ZNF385B: variants seen among roughly 807,000 people sequenced by gnomAD.
ZNF385B encodes zinc finger protein 385B.
ZNF385B carries 23 observed loss-of-function variants against 39.2 expected under a neutral mutation model. The ratio of observed to expected loss-of-function variants is 0.59; its 90% CI spans 0.42 to 0.83. The LOEUF is 0.83. Among genes scored for constraint, ZNF385B ranks in the 40% least tolerant of loss-of-function variants. ZNF385B has a pLI of 0.00. For missense variants in ZNF385B, 552 were observed against 598.9 expected, an observed-to-expected ratio of 0.92 and a Z score of 0.82; for synonymous variants, 205 against 222.6, an observed-to-expected ratio of 0.92 and a Z score of 0.70.
intron 3 of ZNF385B, among the ~76,000 whole-genome samples, chr2:179,617,401 G>A (rs1458819434): frequency 6.6e-6 from 1 of 152,094 alleles, no homozygotes; most frequent in African/African-American, 2.4e-5. Flanking sequence ...CCACCTGATT[G>A]GGTTCTTTTT....
At chr2:179,737,241 CT>C (rs1474349109) in intron 3 of ZNF385B, among the ~76,000 whole-genome samples, 1 of 152,144 alleles carries the variant, frequency 6.6e-6, no homozygotes, top group Non-Finnish European at 1.5e-5. Flanking sequence ...AGTCACTTAC[CT>C]TTTTGATGAT....
intron 1 of ZNF385B, among the ~76,000 whole-genome samples, chr2:179,821,986 G>C (rs1307007631): frequency 2.6e-5 from 4 of 152,126 alleles, no homozygotes; most frequent in Non-Finnish European, 1.5e-5. Context: ...CATAGTGCAA[G>C]GTTTTCTGTA....
Position 179,790,778 on chromosome 2 carries a change from CA to C in ZNF385B, c.-154-20107del, listed in dbSNP as rs537617766. Among the ~76,000 whole-genome samples, 92 of 152,308 alleles carry C rather than the reference CA, an allele frequency of 6.0e-4. 3 individuals are homozygous for C. The South Asian group carries it at 7.9e-3, about 13-fold the overall frequency. ...AGAAACCAGGCATCTGTCTGGGCAT[CA>C]AATTCCTCCTCTGTAAAAGGAGGAG... On this transcript the variant is annotated intron_variant, in intron 1 of 9. Transcript: ENST00000410066.
intron 4 of ZNF385B, among the ~76,000 whole-genome samples, chr2:179,528,072 A>T (rs2059023152): frequency 6.6e-6 from 1 of 152,198 alleles, no homozygotes; most frequent in South Asian, 2.1e-4. Flanking sequence ...AAATATGCAA[A>T]AAAACAAAAC....
intron 3 of ZNF385B, among the ~76,000 whole-genome samples, chr2:179,757,762 A>C (rs1176911256): frequency 1.3e-5 from 2 of 152,198 alleles, no homozygotes; most frequent in Non-Finnish European, 2.9e-5. Flanking sequence ...CCTCCAAGCC[A>C]GGTGCGGGAT....
At chr2:179,611,015 A>G (rs1462708970) in intron 3 of ZNF385B, among the ~76,000 whole-genome samples, 3 of 152,142 alleles carry the variant, frequency 2.0e-5, no homozygotes, top group Admixed American at 1.3e-4. Flanking sequence ...TTCCTTTCCA[A>G]TTTAGACGCC....
intron 3 of ZNF385B, among the ~76,000 whole-genome samples, chr2:179,648,639 G>C (rs961534374): frequency 2.0e-5 from 3 of 152,074 alleles, no homozygotes; most frequent in African/African-American, 7.2e-5. Context: ...CTGACATCAG[G>C]GCTGGGATAA....
At chr2:179,479,731 T>G (rs1324861144) in intron 6 of ZNF385B, among the ~76,000 whole-genome samples, 2 of 152,038 alleles carry the variant, frequency 1.3e-5, no homozygotes, top group African/African-American at 2.4e-5. Flanking sequence ...TCCCAGCTCC[T>G]CGGAGGCTGA....
intron 3 of ZNF385B, among the ~76,000 whole-genome samples, chr2:179,603,039 A>AG (rs1430979201): frequency 1.3e-5 from 2 of 152,218 alleles, no homozygotes; most frequent in Non-Finnish European, 2.9e-5. Flanking sequence ...TGTGATTCTT[A>AG]CTATTTAATT....
At chr2:179,497,432 A>G (rs1265953294) in intron 5 of ZNF385B, among the ~76,000 whole-genome samples, 2 of 152,098 alleles carry the variant, frequency 1.3e-5, no homozygotes, top group Admixed American at 6.6e-5. Context: ...TAAGTTTTTT[A>G]TTAGTTTTCT....
chr2:179,745,842 C>T, intron 3 of ZNF385B: 1 of 1,363,786 alleles, frequency 7.3e-7, no homozygotes, highest in Non-Finnish European at 9.5e-7. Flanking sequence ...TGGCTCCAGC[C>T]CTGATTATCT....
chr2:179,809,421 GC>G (rs1706597312), intron 1 of ZNF385B, among the ~76,000 whole-genome samples: 1 of 152,062 alleles, frequency 6.6e-6, no homozygotes. Context: ...ACATAGTAAT[GC>G]CCCACTTAAC....
At chr2:179,815,775 G>GTA (rs1575543231) in intron 1 of ZNF385B, among the ~76,000 whole-genome samples, 1 of 152,076 alleles carries the variant, frequency 6.6e-6, no homozygotes, top group East Asian at 1.9e-4. Context: ...TACACATTTA[G>GTA]GAATCCTTCA....
chr2:179,714,813 T>A (rs1256065910), intron 3 of ZNF385B, among the ~76,000 whole-genome samples: 1 of 151,448 alleles, frequency 6.6e-6, no homozygotes, highest in East Asian at 1.9e-4. Context: ...TAGCCAGATG[T>A]GGTGGCACTT....
intron 5 of ZNF385B, among the ~76,000 whole-genome samples, chr2:179,485,899 C>T (rs1016374524): frequency 1.3e-5 from 2 of 152,148 alleles, no homozygotes; most frequent in Non-Finnish European, 2.9e-5. Context: ...ACTGACTATA[C>T]ATGGTCCCTA....
intron 1 of ZNF385B, among the ~76,000 whole-genome samples, chr2:179,817,397 T>G (rs1368946688): frequency 1.3e-5 from 2 of 152,228 alleles, no homozygotes; most frequent in Non-Finnish European, 2.9e-5. Context: ...TCTCTCAACT[T>G]TCACTTTCAC....
intron 5 of ZNF385B, among the ~76,000 whole-genome samples, chr2:179,514,398 T>G (rs1318157532): frequency 1.3e-5 from 2 of 152,216 alleles, no homozygotes; most frequent in Non-Finnish European, 2.9e-5. Flanking sequence ...GGTCAGAATA[T>G]TAGCTCCCTT....
At chr2:179,710,613 C>T (rs1456827612) in intron 3 of ZNF385B, among the ~76,000 whole-genome samples, 5 of 152,138 alleles carry the variant, frequency 3.3e-5, no homozygotes, top group Admixed American at 3.3e-4. Context: ...GTATTGTAAT[C>T]CAGGCACCAG....
intron 4 of ZNF385B, among the ~76,000 whole-genome samples, chr2:179,542,413 C>G (rs1402632174): frequency 6.6e-6 from 1 of 151,906 alleles, no homozygotes; most frequent in Non-Finnish European, 1.5e-5. Context: ...TCACCTTAGC[C>G]AAATAGTATT....
Sources: allele counts gnomAD v4.1 joint callset (sites outside exome capture counted in the v4.1 genomes callset), GRCh38; gene constraint gnomAD v4.1.1; transcripts MANE v1.5; gene names NCBI Gene and HGNC (gene_info 2026-07-23, HGNC 2026-07-21).